The following RYR3 variants were observed in gnomAD, a reference collection of about 807,000 sequenced individuals.
RYR3 encodes the protein ryanodine receptor 3.
RYR3 carries 207 observed loss-of-function variants against 584.3 expected under a neutral mutation model. That is an observed-to-expected ratio of 0.35 (90% CI 0.32 to 0.40). The LOEUF is 0.40. Among genes scored for constraint, RYR3 ranks in the 10% least tolerant of loss-of-function variants. The pLI is 1.00. For synonymous variants in RYR3, 2,416 were observed against 2,248.5 expected (o/e 1.07, Z -2.11); for missense variants, 5,616 against 6,089.2 (o/e 0.92, Z 2.59).
chr15:33,508,400 A>C (rs865952542), intron 3 of RYR3, among the ~76,000 whole-genome samples: 1 of 152,182 alleles, frequency 6.6e-6, no homozygotes, highest in Non-Finnish European at 1.5e-5. Context: ...CTGTAATCCC[A>C]GCACTCTGGG....
intron 1 of RYR3, among the ~76,000 whole-genome samples, chr15:33,388,224 G>C (rs2041760210): frequency 6.6e-6 from 1 of 152,188 alleles, no homozygotes; most frequent in African/African-American, 2.4e-5. Context: ...TTAAGTTTTT[G>C]AGTGAAAATT....
chr15:33,728,319 CA>C (rs754834609), intron 46 of RYR3, among the ~76,000 whole-genome samples: 2 of 152,044 alleles, frequency 1.3e-5, no homozygotes, highest in Non-Finnish European at 2.9e-5. Flanking sequence ...ACAATTGATG[CA>C]AAAAACCTCA....
At chr15:33,481,303 C>A (rs2049943883) in intron 2 of RYR3, among the ~76,000 whole-genome samples, 1 of 152,104 alleles carries the variant, frequency 6.6e-6, no homozygotes, top group South Asian at 2.1e-4. Context: ...TATTCATTTA[C>A]ATTTATTGTA....
At chr15:33,579,925 G>T in intron 12 of RYR3, 51 bp from the exon 13 acceptor site, 1 of 1,482,160 alleles carries the variant, frequency 6.7e-7, no homozygotes, top group Non-Finnish European at 9.2e-7. Flanking sequence ...GTGTTCATCA[G>T]GGCCCTGCTG....
intron 3 of RYR3, among the ~76,000 whole-genome samples, chr15:33,528,110 T>C (rs2054549323): frequency 6.6e-6 from 1 of 152,212 alleles, no homozygotes; most frequent in Non-Finnish European, 1.5e-5. Context: ...ACCGTCCCAT[T>C]TCTTCCACCA....
chr15:33,566,665 G>T lies in RYR3; in HGVS notation c.1147-13G>T, dbSNP rs766296515. 1.2e-6 allele frequency: 2 copies of T among 1,613,440 alleles called. No homozygotes were observed. ...TTGTAACCTAGAGCTCCCGTCCCTTGCCCTGTGGGTAGGTCATACTCCATC... is the reference window on the plus strand; with the variant it reads ...TTGTAACCTAGAGCTCCCGTCCCTTTCCCTGTGGGTAGGTCATACTCCATC... On this transcript the variant is annotated splice_polypyrimidine_tract_variant and intron_variant, in intron 11 of 103. Coordinates refer to ENST00000634891, the MANE Select transcript of RYR3 (RefSeq NM_001036.6).
At position 33,586,082 on chromosome 15, in the gene RYR3, T is replaced by C; in HGVS notation, c.1754T>C (p.Ile585Thr). Reference sequence around the variant, plus strand: ...GCGGAGGGCCACATCAAGTCGATCATCTCCCTGTTGGATAAGCACGGGCGG... The same window carrying C: ...GCGGAGGGCCACATCAAGTCGATCACCTCCCTGTTGGATAAGCACGGGCGG... The part of the protein sequence containing the change: ...LIAEGHIKSI[I>T]SLLDKHGRNH... The change falls in exon 16 of 104, where the codon ATC (isoleucine) becomes ACC (threonine). Residue 585 changes from isoleucine (I) to threonine (T), a missense_variant. Ile to Thr is a moderately conservative substitution (Grantham distance 89). Around this residue, in one of 9 missense-constraint regions of RYR3, gnomAD observed 1,284 missense variants for 1,344.6 expected, o/e 0.95. Coordinates refer to ENST00000634891, the MANE Select transcript of RYR3 (RefSeq NM_001036.6). 2 of 1,613,044 alleles carry C rather than the reference T, an allele frequency of 1.2e-6. No individual in the cohort carries two copies. Among genetic ancestry groups the C allele is most frequent in the Non-Finnish European group, 1.7e-6 (2 of 1,179,090 alleles).
chr15:33,654,698 G>A (rs549951319), intron 32 of RYR3, among the ~76,000 whole-genome samples: 1 of 152,278 alleles, frequency 6.6e-6, no homozygotes, highest in Non-Finnish European at 1.5e-5. Context: ...GATAGGAAAT[G>A]GGGAGCCATT....
Position 33,460,542 on chromosome 15 carries a change from G to A in RYR3, c.52-12877G>A, listed in dbSNP as rs183158143. On this transcript the variant is annotated intron_variant, in intron 1 of 103. Transcript: ENST00000634891. Reference sequence around the variant, plus strand: ...GGACTTAGCGAGTCATACAGAACTGGATTTACAGCACTACTTACTAAATTT... The same window carrying A: ...GGACTTAGCGAGTCATACAGAACTGAATTTACAGCACTACTTACTAAATTT... 5.1e-3 allele frequency among the ~76,000 whole-genome samples: 778 copies of A among 152,260 alleles called. 3 individuals are homozygous for A. Among genetic ancestry groups the A allele is most frequent in the Middle Eastern group, 6.8e-3 (2 of 294 alleles).
At chr15:33,415,288 G>A (rs922194528) in intron 1 of RYR3, among the ~76,000 whole-genome samples, 7 of 152,004 alleles carry the variant, frequency 4.6e-5, no homozygotes, top group African/African-American at 1.5e-4. Flanking sequence ...AATTACATAC[G>A]TGTCTAGCAG....
At chr15:33,625,367 C>A (rs2060932296) in intron 20 of RYR3, among the ~76,000 whole-genome samples, 1 of 152,144 alleles carries the variant, frequency 6.6e-6, no homozygotes, top group Non-Finnish European at 1.5e-5. Context: ...GATATCATTT[C>A]AGTATTTCTC....
chr15:33,426,406 T>C (rs941485321), intron 1 of RYR3, among the ~76,000 whole-genome samples: 1 of 152,188 alleles, frequency 6.6e-6, no homozygotes, highest in African/African-American at 2.4e-5. Flanking sequence ...GATGGGCCTT[T>C]GTTGCTGAGT....
At chr15:33,464,509 C>CATAT (rs2048332288) in intron 1 of RYR3, among the ~76,000 whole-genome samples, 3 of 116,814 alleles carry the variant, frequency 2.6e-5, no homozygotes, top group Admixed American at 8.3e-5. Flanking sequence ...TATATACATA[C>CATAT]ACATACACAT....
At chr15:33,620,404 T>A (rs1339334801) in intron 19 of RYR3, among the ~76,000 whole-genome samples, 2 of 152,214 alleles carry the variant, frequency 1.3e-5, no homozygotes, top group Non-Finnish European at 2.9e-5. Context: ...AGGTGTGTGA[T>A]AGGCTGTGGC....
At chr15:33,807,768 C>T (rs555870221) in intron 70 of RYR3, 199 bp downstream of exon 70, 16 of 606,894 alleles carry the variant, frequency 2.6e-5, no homozygotes, top group East Asian at 2.5e-4. Flanking sequence ...ATGGGGAAGC[C>T]GGGGAAGCCA....
At chr15:33,319,174 C>A (rs557015816) in intron 1 of RYR3, among the ~76,000 whole-genome samples, 7 of 152,326 alleles carry the variant, frequency 4.6e-5, no homozygotes, top group African/African-American at 1.7e-4. Context: ...ATGGAAAGTT[C>A]TCCATCAATG....
chr15:33,539,930 T>G (rs1233364888), intron 6 of RYR3, among the ~76,000 whole-genome samples: 1 of 152,106 alleles, frequency 6.6e-6, no homozygotes, highest in Non-Finnish European at 1.5e-5. Flanking sequence ...GAGGGGTTGA[T>G]CTTGCTGTCT....
At chr15:33,550,061 G>T (rs2056560666) in intron 9 of RYR3, 99 bp from the exon 10 acceptor site, 3 of 1,282,932 alleles carry the variant, frequency 2.3e-6, no homozygotes, top group East Asian at 5.0e-5. Context: ...CACCAGAAGG[G>T]TTATAAGTCT....
chr15:33,600,500 A>G (rs888864268), intron 16 of RYR3, among the ~76,000 whole-genome samples: 1 of 152,018 alleles, frequency 6.6e-6, no homozygotes, highest in African/African-American at 2.4e-5. Flanking sequence ...ATGAAAGAGG[A>G]TACAGTGCAA....
Sources: gnomAD v4.1 joint callset for allele counts (sites outside exome capture counted in the v4.1 genomes callset) on GRCh38, gnomAD v4.1.1 for gene constraint, gnomAD v4.1.1 regional missense constraint, MANE v1.5 for transcripts, NCBI Gene and HGNC (gene_info 2026-07-23, HGNC 2026-07-21) for gene names.